Variants in CAST observed in about 807,000 individuals in gnomAD.
CAST encodes the protein calpastatin.
CAST carries 76 observed loss-of-function variants against 119.6 expected under a neutral mutation model. That is an observed-to-expected ratio of 0.64 (90% CI 0.53 to 0.77). The LOEUF is 0.77. Among genes scored for constraint, CAST ranks in the 30% least tolerant of loss-of-function variants. The pLI is 0.00. For synonymous variants in CAST, 319 were observed against 331.6 expected (o/e 0.96, Z 0.41); for missense variants, 953 against 946.5 (o/e 1.01, Z -0.09).
chr5:96,587,423 T>A (rs1746880406), intron 1 of CAST, among the ~76,000 whole-genome samples: 1 of 152,238 alleles, frequency 6.6e-6, no homozygotes, highest in Non-Finnish European at 1.5e-5. Flanking sequence ...AGGATAGTCA[T>A]GCTGGTAAAT....
chr5:96,000,951 A>G, the CAST span, among the ~76,000 whole-genome samples: 1 of 152,212 alleles, frequency 6.6e-6, no homozygotes, highest in Non-Finnish European at 1.5e-5. Context: ...AATGTCTCCC[A>G]GGTAGACCTT....
the CAST span, among the ~76,000 whole-genome samples, chr5:96,505,371 TCAGGAGGCTGATG>T: frequency 6.8e-3 from 1,030 of 152,060 alleles, 10 homozygotes; most frequent in African/African-American, 0.024. Context: ...TCCCAGCTAC[TCAGGAGGCTGATG>T]CAGGAGAATC....
intron 2 of CAST, among the ~76,000 whole-genome samples, chr5:96,681,896 C>G (rs77314741): frequency 0.027 from 4,053 of 152,134 alleles, 185 homozygotes; most frequent in African/African-American, 0.092. Context: ...TGCAATAGTT[C>G]CTCTTTATCA....
At chr5:96,485,785 A>T in the CAST span, among the ~76,000 whole-genome samples, 1 of 152,184 alleles carries the variant, frequency 6.6e-6, no homozygotes, top group Non-Finnish European at 1.5e-5. Context: ...GCTTCACCCC[A>T]GTCAAAAGTT....
intron 1 of CAST, among the ~76,000 whole-genome samples, chr5:96,607,779 G>T (rs1244959750): frequency 1.3e-5 from 2 of 152,164 alleles, no homozygotes; most frequent in Non-Finnish European, 2.9e-5. Flanking sequence ...TAAGGGTCTG[G>T]TACCAGCCCA....
chr5:96,669,744 C>T (rs2150233657), intron 1 of CAST, among the ~76,000 whole-genome samples: 1 of 152,312 alleles, frequency 6.6e-6, no homozygotes, highest in South Asian at 2.1e-4. Flanking sequence ...CCCAGTCTGC[C>T]TGACCCTGGG....
the CAST span, among the ~76,000 whole-genome samples, chr5:96,013,824 A>G: frequency 6.6e-6 from 1 of 152,208 alleles, no homozygotes; most frequent in Non-Finnish European, 1.5e-5. Flanking sequence ...TGTATAGGGC[A>G]CTTACTATGA....
chr5:96,765,177 A>G, intron 25 of CAST, 44 bp from the exon 26 acceptor site: 1 of 1,116,962 alleles, frequency 9.0e-7, no homozygotes, highest in Non-Finnish European at 1.4e-6. Context: ...CCTCTGATAC[A>G]GTTTGGCTAA....
intron 29 of CAST, chr5:96,769,818 G>A (rs960812998): frequency 2.0e-5 from 3 of 149,604 alleles, no homozygotes; most frequent in Non-Finnish European, 4.4e-5. Flanking sequence ...CTACATATAA[G>A]TGAAATCACT....
chr5:96,003,915 C>T, the CAST span, among the ~76,000 whole-genome samples: 6 of 152,206 alleles, frequency 3.9e-5, no homozygotes, highest in South Asian at 4.1e-4. Context: ...TATATTCAGG[C>T]GTTTTAAATA....
At chr5:96,291,843 CGT>C in the CAST span, among the ~76,000 whole-genome samples, 5,712 of 132,960 alleles carry the variant, frequency 0.043, 221 homozygotes, top group African/African-American at 0.11. Flanking sequence ...TCCCAGTCTG[CGT>C]GTGTGTGTGT....
the CAST span, among the ~76,000 whole-genome samples, chr5:96,266,652 A>G: frequency 6.6e-6 from 1 of 152,236 alleles, no homozygotes; most frequent in Non-Finnish European, 1.5e-5. Flanking sequence ...AAAGAGAAAG[A>G]TAATCAACAG....
chr5:96,166,303 A>G, the CAST span, among the ~76,000 whole-genome samples: 1 of 152,192 alleles, frequency 6.6e-6, no homozygotes, highest in African/African-American at 2.4e-5. Flanking sequence ...AATATCATTA[A>G]TATAGTTGCA....
the CAST span, among the ~76,000 whole-genome samples, chr5:96,096,886 C>T: frequency 6.6e-6 from 1 of 152,170 alleles, no homozygotes; most frequent in Non-Finnish European, 1.5e-5. Context: ...GTGAAAGATG[C>T]TACTCTTGGA....
the CAST span, among the ~76,000 whole-genome samples, chr5:96,380,408 G>A: frequency 1.3e-5 from 2 of 152,166 alleles, no homozygotes; most frequent in Non-Finnish European, 2.9e-5. Context: ...TTTACTGCAT[G>A]CCAAATTATC....
At chr5:95,982,874 A>G in the CAST span, among the ~76,000 whole-genome samples, 35 of 152,324 alleles carry the variant, frequency 2.3e-4, no homozygotes, top group East Asian at 5.6e-3. Context: ...TATAAAGACA[A>G]ATGCCCAAGA....
At chr5:96,749,769 C>A (rs1764573013) in intron 19 of CAST, among the ~76,000 whole-genome samples, 1 of 152,214 alleles carries the variant, frequency 6.6e-6, no homozygotes, top group African/African-American at 2.4e-5. Context: ...CTGATTCAAA[C>A]TCCTGGACTC....
intron 1 of CAST, among the ~76,000 whole-genome samples, chr5:96,543,604 C>T (rs1745955722): frequency 6.6e-6 from 1 of 152,032 alleles, no homozygotes; most frequent in Non-Finnish European, 1.5e-5. Context: ...TTTAATAAGT[C>T]CAACTAATCG....
At chr5:96,728,896 A>T in intron 6 of CAST, 1 of 412,358 alleles carries the variant, frequency 2.4e-6, no homozygotes. Flanking sequence ...CGTGTATTTG[A>T]AAATATTATT....
Sources: allele counts gnomAD v4.1 joint callset (sites outside exome capture counted in the v4.1 genomes callset), GRCh38; gene constraint gnomAD v4.1.1; transcripts MANE v1.5; gene names NCBI Gene and HGNC (gene_info 2026-07-23, HGNC 2026-07-21).